DPF3: variants seen among roughly 807,000 people sequenced by gnomAD.
DPF3 encodes double PHD fingers 3.
DPF3 carries 18 observed loss-of-function variants against 56.8 expected under a neutral mutation model. The observed-to-expected ratio is 0.32, with a 90% confidence interval of 0.22 to 0.47. DPF3 has a LOEUF of 0.47. Among genes scored for constraint, DPF3 ranks in the 20% least tolerant of loss-of-function variants. The pLI is 1.00. For missense variants in DPF3, 403 were observed against 488.8 expected (o/e 0.82, Z 1.65); for synonymous variants, 188 against 180.2 (o/e 1.04, Z -0.35).
intron 1 of DPF3, among the ~76,000 whole-genome samples, chr14:72,779,495 C>T (rs925375018): frequency 3.3e-5 from 5 of 152,208 alleles, no homozygotes; most frequent in African/African-American, 7.2e-5. Context: ...GCTGGGGATG[C>T]ACCCGGAAAA....
In DPF3 at chr14:72,657,625, TA is replaced by T. The variant is rs144015303; in HGVS notation, c.871+16614del. ...TCCTGAAGCTTAGAAAATGCCCTAT[TA>T]CCACCACCACCACCACCCCCAACTG... On this transcript the variant is annotated intron_variant, in intron 8 of 10. Transcript: ENST00000556509. Among the ~76,000 whole-genome samples the T allele has an allele frequency of 5.1e-3, 782 of 152,132 alleles. 6 individuals carry two copies. Among genetic ancestry groups the T allele is most frequent in the African/African-American group, 0.018 (756 of 41,502 alleles).
chr14:72,671,282 T>C lies in DPF3; in HGVS notation c.871+2958A>G, dbSNP rs1376373283. The C allele has an allele frequency of 6.2e-7, 1 of 1,614,008 alleles. No individual in the cohort carries two copies. Among genetic ancestry groups the C allele is most frequent in the Non-Finnish European group, 8.5e-7 (1 of 1,179,902 alleles). On this transcript the variant is annotated intron_variant, in intron 8 of 10. Coordinates refer to ENST00000556509, the MANE Select transcript of DPF3 (RefSeq NM_001280542.3). ...GACGTGGAACCGAATAAGTCCTCCG[T>C]GGTACGTGCTGCGGCCGCTGCCTCC... is the stretch of plus-strand genomic sequence containing the variant.
intron 3 of DPF3, among the ~76,000 whole-genome samples, chr14:72,741,135 T>C (rs7148199): frequency 0.95 from 145,144 of 152,316 alleles, 69,184 homozygotes; most frequent in East Asian, 1. Flanking sequence ...AGCGGGGCAG[T>C]GAGCTGTCTG....
chr14:72,885,286 A>G (rs986140403), intron 1 of DPF3, among the ~76,000 whole-genome samples: 1 of 151,762 alleles, frequency 6.6e-6, no homozygotes, highest in Non-Finnish European at 1.5e-5. Flanking sequence ...CTGTAATACT[A>G]TTAGGTTTGG....
chr14:72,758,491 A>G (rs1890932228), intron 2 of DPF3, among the ~76,000 whole-genome samples: 1 of 152,232 alleles, frequency 6.6e-6, no homozygotes, highest in Non-Finnish European at 1.5e-5. Flanking sequence ...GGTAAACAAA[A>G]GAGAGCTGCA....
chr14:72,733,851 G>T (rs1049081973), intron 3 of DPF3, among the ~76,000 whole-genome samples: 2 of 152,166 alleles, frequency 1.3e-5, no homozygotes, highest in Non-Finnish European at 2.9e-5. Flanking sequence ...AGCGGCAAGC[G>T]GGCATCCATT....
chr14:72,861,846 T>A (rs1410477011), intron 1 of DPF3, among the ~76,000 whole-genome samples: 2 of 152,104 alleles, frequency 1.3e-5, no homozygotes, highest in African/African-American at 4.8e-5. Flanking sequence ...TTTTTCTTAC[T>A]TTATCACAAT....
intron 1 of DPF3, among the ~76,000 whole-genome samples, chr14:72,835,021 G>A (rs527953806): frequency 6.6e-6 from 1 of 152,276 alleles, no homozygotes; most frequent in East Asian, 1.9e-4. Flanking sequence ...ACAAAAAGCA[G>A]ATTAGTGGTT....
chr14:72,879,126 G>A (rs1886226930), intron 1 of DPF3, among the ~76,000 whole-genome samples: 1 of 152,206 alleles, frequency 6.6e-6, no homozygotes, highest in African/African-American at 2.4e-5. Flanking sequence ...GCTCATGCCT[G>A]TAATCCCAGC....
At chr14:72,619,623 C>G (rs113922252) in intron 10 of DPF3, among the ~76,000 whole-genome samples, 1 of 152,148 alleles carries the variant, frequency 6.6e-6, no homozygotes, top group South Asian at 2.1e-4. Context: ...TGCGCCAGTT[C>G]TCCTGGAAGC....
chr14:72,822,118 T>C (rs1883574774), intron 1 of DPF3, among the ~76,000 whole-genome samples: 1 of 152,180 alleles, frequency 6.6e-6, no homozygotes, highest in Admixed American at 6.5e-5. Flanking sequence ...GCGCAGTGGC[T>C]TGTAATCCCA....
rs992425755 is a variant in DPF3 at position 72,759,598 on chromosome 14, G to GAAGGAAGA, written c.194-6228_194-6227insTCTTCCTT. On this transcript the variant is annotated intron_variant, in intron 2 of 10. Coordinates refer to ENST00000556509, the MANE Select transcript of DPF3 (RefSeq NM_001280542.3). ...GAGGGAAGAAAGGGAAGGAAGGAAG[G>GAAGGAAGA]AAGAAAGAAAGAATTTAAAAAGAAA... Among the ~76,000 whole-genome samples, 28 of 150,452 alleles carry GAAGGAAGA rather than the reference G, an allele frequency of 1.9e-4. 1 individual carries two copies. The highest frequency in any genetic ancestry group is 6.3e-4 in the African/African-American group (26 of 41,026).
rs1396801302 is a variant in DPF3, at chr14:72,833,479, G to T, written c.32+60578C>A. Among the ~76,000 whole-genome samples the T allele has an allele frequency of 2.0e-5, 3 of 152,312 alleles. No individual in the cohort carries two copies. In the East Asian group the frequency reaches 5.8e-4, roughly 29 times the overall value. On this transcript the variant is annotated intron_variant, in intron 1 of 10. Coordinates refer to ENST00000556509, the MANE Select transcript of DPF3 (RefSeq NM_001280542.3). ...TGCATTGGGAGTAACCAACATTAATGTACGGGGATGGATGCCAAGGGTGCA... is the reference window on the plus strand; with the variant it reads ...TGCATTGGGAGTAACCAACATTAATTTACGGGGATGGATGCCAAGGGTGCA...
chr14:72,875,555 G>A (rs1480390002), intron 1 of DPF3, among the ~76,000 whole-genome samples: 1 of 152,190 alleles, frequency 6.6e-6, no homozygotes, highest in African/African-American at 2.4e-5. Context: ...TCCTACCCAA[G>A]GCCATAGGGC....
chr14:72,752,780 C>T (rs1373381058), intron 3 of DPF3, among the ~76,000 whole-genome samples: 1 of 152,184 alleles, frequency 6.6e-6, no homozygotes, highest in Admixed American at 6.5e-5. Flanking sequence ...CATCCTCATC[C>T]AAGGTAAGTG....
At chr14:72,804,180 G>C (rs1892995488) in intron 1 of DPF3, among the ~76,000 whole-genome samples, 1 of 133,172 alleles carries the variant, frequency 7.5e-6, no homozygotes. Context: ...TGCTTTCCAG[G>C]ACACACACAC....
intron 2 of DPF3, among the ~76,000 whole-genome samples, chr14:72,760,934 T>C (rs1004541930): frequency 2.6e-5 from 4 of 152,068 alleles, no homozygotes; most frequent in Admixed American, 1.3e-4. Flanking sequence ...AGTGGCTATA[T>C]TGGAATTAGA....
chr14:72,661,909 G>A (rs567852692), intron 8 of DPF3: 9 of 963,874 alleles, frequency 9.3e-6, no homozygotes, highest in East Asian at 1.2e-4. Context: ...CTCTGTGTTC[G>A]AATCTATTGA....
intron 1 of DPF3, among the ~76,000 whole-genome samples, chr14:72,888,617 C>T (rs779971656): frequency 4.0e-4 from 61 of 152,314 alleles, no homozygotes; most frequent in Non-Finnish European, 2.9e-4. Flanking sequence ...ACTCCTCCAT[C>T]CTCCCCCTAC....
Sources: gnomAD v4.1 joint callset for allele counts (sites outside exome capture counted in the v4.1 genomes callset) on GRCh38, gnomAD v4.1.1 for gene constraint, MANE v1.5 for transcripts, NCBI Gene and HGNC (gene_info 2026-07-23, HGNC 2026-07-21) for gene names.